The following HEG1 variants were observed in gnomAD, a reference collection of about 807,000 sequenced individuals.
The protein encoded by HEG1 is heart development protein with EGF like domains 1.
A neutral mutation model predicts 125.6 loss-of-function variants in HEG1; 56 were observed. The ratio of observed to expected loss-of-function variants is 0.45; its 90% CI spans 0.36 to 0.56. The LOEUF (loss-of-function observed/expected upper bound fraction) is 0.56. HEG1 is among the 20% of genes least tolerant of loss of function. The pLI is 0.00. For synonymous variants in HEG1, 644 were observed against 668.5 expected, an observed-to-expected ratio of 0.96 and a Z score of 0.57; for missense variants, 1,523 against 1,670.0, an observed-to-expected ratio of 0.91 and a Z score of 1.53.
In HEG1 at chr3:125,048,648, G is replaced by A. The variant is rs531261604; in HGVS notation, c.316+6927C>T. Among the ~76,000 whole-genome samples, 67 of 152,322 alleles carry A rather than the reference G, an allele frequency of 4.4e-4. 2 individuals are homozygous for A. In the South Asian group the frequency reaches 0.013, roughly 29 times the overall value. ...GCAGGCCTCATATTCCAATTTAGGG[G>A]GTCTGGATTTTATTCTAAGTACAAC... On this transcript the variant is annotated intron_variant, in intron 1 of 16. Coordinates refer to ENST00000311127, the MANE Select transcript of HEG1 (RefSeq NM_020733.2).
intron 14 of HEG1, among the ~76,000 whole-genome samples, chr3:124,978,877 T>C (rs1356408194): frequency 6.6e-6 from 1 of 151,718 alleles, no homozygotes; most frequent in Non-Finnish European, 1.5e-5. Context: ...AATCTTTTCT[T>C]GGTCACTTCC....
chr3:124,991,369 C>T (rs906324767), intron 12 of HEG1, among the ~76,000 whole-genome samples: 3 of 151,988 alleles, frequency 2.0e-5, no homozygotes, highest in Non-Finnish European at 4.4e-5. Context: ...AGGCTTGTCT[C>T]GAACTCCTGA....
At chr3:125,024,929 C>T (rs943091987) in intron 3 of HEG1, among the ~76,000 whole-genome samples, 1 of 152,214 alleles carries the variant, frequency 6.6e-6, no homozygotes, top group Non-Finnish European at 1.5e-5. Flanking sequence ...CATCACTCAT[C>T]GGACTGGTGT....
At position 125,014,682 on chromosome 3, in the gene HEG1, G is replaced by A. The variant is rs114650189; in HGVS notation, c.1589-692C>T. The A allele has an allele frequency of 1.2e-3, 1,483 of 1,223,164 alleles. 16 individuals are homozygous for A. The African/African-American group carries it at 0.02, about 17-fold the overall frequency. 75.8% of individuals were successfully genotyped at this position (1,223,164 alleles called of 1,614,324 possible). ...AAATTAATAGATGAGCTGAAGGGAT[G>A]TGTTAAAAGAGACTGTGGAAGACAC... On this transcript the variant is annotated intron_variant, in intron 5 of 16. Transcript: ENST00000311127.
At chr3:125,052,083 A>C (rs1451944381) in intron 1 of HEG1, among the ~76,000 whole-genome samples, 1 of 152,196 alleles carries the variant, frequency 6.6e-6, no homozygotes, top group Non-Finnish European at 1.5e-5. Flanking sequence ...CAAGGTAAAA[A>C]GGATGTGGCT....
chr3:125,041,358 C>T (rs1327040691), intron 1 of HEG1, among the ~76,000 whole-genome samples: 1 of 152,196 alleles, frequency 6.6e-6, no homozygotes, highest in African/African-American at 2.4e-5. Context: ...AGTTTCAAAT[C>T]TGCAATACAC....
intron 1 of HEG1, among the ~76,000 whole-genome samples, chr3:125,043,342 C>G (rs1174908418): frequency 1.3e-5 from 2 of 152,104 alleles, no homozygotes; most frequent in Non-Finnish European, 2.9e-5. Flanking sequence ...AGGAGGGATA[C>G]AGCCTATCCC....
intron 16 of HEG1, among the ~76,000 whole-genome samples, chr3:124,972,930 G>C (rs1381129069): frequency 6.6e-6 from 1 of 152,154 alleles, no homozygotes; most frequent in Non-Finnish European, 1.5e-5. Context: ...AGAAGTGCTT[G>C]TTGAGGACGA....
chr3:124,990,723 CCTGTGCA>C (rs1268554948), intron 14 of HEG1, 57 bp downstream of exon 14: 1 of 1,454,224 alleles, frequency 6.9e-7, no homozygotes. Context: ...GAGACTGACA[CCTGTGCA>C]CTAACAACAG....
At chr3:125,022,396 C>CGAGAGAGAGAGAGAGAGA (rs10565452) in intron 3 of HEG1, among the ~76,000 whole-genome samples, 2 of 142,632 alleles carry the variant, frequency 1.4e-5, no homozygotes, top group African/African-American at 5.2e-5. Context: ...ATCACTACAG[C>CGAGAGAGAGAGAGAGAGA]GAGAGAGAGA....
At chr3:124,991,048 T>C (rs1300819390) in intron 12 of HEG1, 62 bp from the exon 13 acceptor site, 1 of 1,314,970 alleles carries the variant, frequency 7.6e-7, no homozygotes, top group Non-Finnish European at 1.1e-6. Context: ...TCCCAGTTAA[T>C]TAAACGCCAG....
At chr3:125,054,245 G>A (rs1377927209) in intron 1 of HEG1, among the ~76,000 whole-genome samples, 4 of 152,206 alleles carry the variant, frequency 2.6e-5, no homozygotes, top group African/African-American at 9.6e-5. Context: ...CAGTCACTCC[G>A]GGATGTGTCT....
intron 14 of HEG1, among the ~76,000 whole-genome samples, 195 bp from the exon 15 acceptor site, chr3:124,978,141 G>T (rs191348944): frequency 0.01 from 1,587 of 151,592 alleles, 28 homozygotes; most frequent in African/African-American, 0.036. Context: ...AGAGTTTTTT[G>T]TTGTTGTTGT....
intron 14 of HEG1, among the ~76,000 whole-genome samples, chr3:124,978,973 G>A (rs570359580): frequency 5.4e-5 from 8 of 149,522 alleles, no homozygotes; most frequent in East Asian, 1.9e-4. Flanking sequence ...TTTCCGAGAC[G>A]GAGTCTTGCT....
chr3:125,046,937 A>G (rs1366638822), intron 1 of HEG1, among the ~76,000 whole-genome samples: 2 of 152,252 alleles, frequency 1.3e-5, no homozygotes, highest in Non-Finnish European at 2.9e-5. Flanking sequence ...TTGTGGTCAC[A>G]CCTGGCATAC....
At position 125,012,608 on chromosome 3, in the gene HEG1, G is replaced by C; in HGVS notation, c.2956+15C>G. On this transcript the variant is annotated intron_variant, in intron 6 of 16. Transcript: ENST00000311127. ...GGCCTTGCAGTTAACATGTGCTTGTGTGACTGTGTTTTACCTGAGGCTGAA... is the reference window on the plus strand; with the variant it reads ...GGCCTTGCAGTTAACATGTGCTTGTCTGACTGTGTTTTACCTGAGGCTGAA... The C allele has an allele frequency of 6.2e-7, 1 of 1,606,274 alleles. No homozygotes were observed. The highest frequency in any genetic ancestry group is 8.5e-7 in the Non-Finnish European group (1 of 1,175,810).
chr3:125,018,050 A>G (rs1937278817), intron 5 of HEG1, among the ~76,000 whole-genome samples: 1 of 151,986 alleles, frequency 6.6e-6, no homozygotes, highest in African/African-American at 2.4e-5. Context: ...AATAAATTGA[A>G]AATTTACGAC....
At chr3:125,029,516 A>C (rs1937467093) in intron 1 of HEG1, 28 bp from the exon 2 acceptor site, 1 of 1,576,768 alleles carries the variant, frequency 6.3e-7, no homozygotes, top group Non-Finnish European at 8.6e-7. Flanking sequence ...TGCATCAGGG[A>C]GAGTTTGCTG....
chr3:124,990,855 A>G, intron 13 of HEG1, 31 bp from the exon 14 acceptor site: 1 of 1,558,634 alleles, frequency 6.4e-7, no homozygotes, highest in Non-Finnish European at 8.7e-7. Context: ...AAGGGCAAGA[A>G]TTAGTTTCCA....
Sources: gnomAD v4.1 joint callset for allele counts (sites outside exome capture counted in the v4.1 genomes callset) on GRCh38, gnomAD v4.1.1 for gene constraint, MANE v1.5 for transcripts, NCBI Gene and HGNC (gene_info 2026-07-23, HGNC 2026-07-21) for gene names.